The following TENM4 variants were observed in gnomAD, a reference collection of about 807,000 sequenced individuals.
TENM4 encodes teneurin transmembrane protein 4.
In TENM4, 82 loss-of-function variants were observed where a neutral mutation model predicts 243.3. The ratio of observed to expected loss-of-function variants is 0.34; its 90% CI spans 0.28 to 0.40. TENM4 has a LOEUF of 0.40. Among genes scored for constraint, TENM4 ranks in the 10% least tolerant of loss-of-function variants. The pLI is 1.00. For synonymous variants in TENM4, 1,412 were observed against 1,456.3 expected, an observed-to-expected ratio of 0.97 and a Z score of 0.69; for missense variants, 3,138 against 3,673.3, an observed-to-expected ratio of 0.85 and a Z score of 3.77.
intron 6 of TENM4, among the ~76,000 whole-genome samples, chr11:78,996,117 C>T (rs1018630297): frequency 3.3e-5 from 5 of 152,190 alleles, no homozygotes; most frequent in African/African-American, 1.2e-4. Context: ...AAGATGGCTG[C>T]AAATTCTTTG....
intron 9 of TENM4, among the ~76,000 whole-genome samples, chr11:78,877,282 C>A (rs1029489156): frequency 6.6e-6 from 1 of 152,148 alleles, no homozygotes; most frequent in Non-Finnish European, 1.5e-5. Context: ...CCCTGCTCTT[C>A]CTCCCTGCCA....
At chr11:79,101,135 T>C (rs1259037967) in intron 4 of TENM4, among the ~76,000 whole-genome samples, 1 of 152,192 alleles carries the variant, frequency 6.6e-6, no homozygotes, top group Non-Finnish European at 1.5e-5. Flanking sequence ...GGCATCATGT[T>C]CTGTTTCTTA....
intron 6 of TENM4, among the ~76,000 whole-genome samples, chr11:78,920,284 CAA>C (rs1856421051): frequency 6.6e-6 from 1 of 152,194 alleles, no homozygotes; most frequent in East Asian, 1.9e-4. Flanking sequence ...CAATGACAAA[CAA>C]GAGTAGTTTT....
chr11:79,123,364 G>A (rs1395473190), intron 4 of TENM4, among the ~76,000 whole-genome samples: 1 of 152,200 alleles, frequency 6.6e-6, no homozygotes, highest in Non-Finnish European at 1.5e-5. Context: ...GCTAGGAAGT[G>A]ATGGAGCTGG....
intron 3 of TENM4, among the ~76,000 whole-genome samples, chr11:79,185,857 A>G (rs991524202): frequency 6.6e-6 from 1 of 152,222 alleles, no homozygotes; most frequent in Non-Finnish European, 1.5e-5. Context: ...CTCCAGAAAC[A>G]TCTGCCAAAG....
intron 1 of TENM4, among the ~76,000 whole-genome samples, chr11:79,329,819 T>C (rs547726626): frequency 1.3e-5 from 2 of 152,196 alleles, no homozygotes; most frequent in Non-Finnish European, 2.9e-5. Context: ...AGGAGTTTGG[T>C]TCTCATTCTG....
In TENM4 at chr11:78,660,726, G is replaced by T. The variant is rs537668010; in HGVS notation, c.7551+723C>A. Among the ~76,000 whole-genome samples, 30 of 152,340 alleles carry T rather than the reference G, an allele frequency of 2.0e-4. No individual in the cohort carries two copies. The South Asian group carries it at 5.6e-3, about 28-fold the overall frequency. ...GGCACAGCATGGGGCTTGGCACAGA[G>T]TTGGGTTCTCATAGAGAATTTATGA... On this transcript the variant is annotated intron_variant, in intron 33 of 33. Coordinates refer to ENST00000278550, the MANE Select transcript of TENM4 (RefSeq NM_001098816.3).
At chr11:79,323,896 C>CAT (rs1172879253) in intron 1 of TENM4, among the ~76,000 whole-genome samples, 1 of 152,042 alleles carries the variant, frequency 6.6e-6, no homozygotes, top group Non-Finnish European at 1.5e-5. Context: ...CACACACACA[C>CAT]ACACACATAT....
intron 6 of TENM4, among the ~76,000 whole-genome samples, chr11:79,025,872 G>A (rs911389422): frequency 6.6e-6 from 1 of 152,194 alleles, no homozygotes. Context: ...GTGAATCTGT[G>A]TGTGTGCTAC....
intron 15 of TENM4, 38 bp downstream of exon 15, chr11:78,805,254 C>G: frequency 2.7e-5 from 1 of 37,510 alleles, no homozygotes; most frequent in Non-Finnish European, 4.5e-5. Flanking sequence ...GTGGAAATCC[C>G]CTCCCTCTAC....
intron 9 of TENM4, among the ~76,000 whole-genome samples, chr11:78,885,470 G>C (rs960044651): frequency 6.6e-6 from 1 of 152,256 alleles, no homozygotes; most frequent in Admixed American, 6.5e-5. Context: ...AGGAGAGGAG[G>C]AGATGGCCCA....
chr11:78,763,733 C>A (rs1045151625), intron 18 of TENM4, among the ~76,000 whole-genome samples: 2 of 152,232 alleles, frequency 1.3e-5, no homozygotes, highest in African/African-American at 2.4e-5. Context: ...TGGGCACACC[C>A]TTCCTATGCC....
intron 1 of TENM4, among the ~76,000 whole-genome samples, chr11:79,424,419 T>C (rs576465173): frequency 5.9e-5 from 9 of 152,234 alleles, no homozygotes; most frequent in Admixed American, 3.9e-4. Flanking sequence ...CTGGACAACA[T>C]GGCAAAACCT....
chr11:78,730,010 A>G (rs1202960113), intron 21 of TENM4, among the ~76,000 whole-genome samples: 1 of 152,160 alleles, frequency 6.6e-6, no homozygotes, highest in Non-Finnish European at 1.5e-5. Context: ...ATTTCACTGC[A>G]GTTTTGAGAG....
chr11:79,424,316 G>C (rs937409363), intron 1 of TENM4, among the ~76,000 whole-genome samples: 1 of 152,208 alleles, frequency 6.6e-6, no homozygotes, highest in African/African-American at 2.4e-5. Context: ...TTGTGGCAAA[G>C]TTGGCCAGGT....
At chr11:78,983,254 G>A (rs1857842471) in intron 6 of TENM4, among the ~76,000 whole-genome samples, 1 of 152,206 alleles carries the variant, frequency 6.6e-6, no homozygotes, top group African/African-American at 2.4e-5. Flanking sequence ...CTTGTGTCAG[G>A]CCTTGGGTCA....
At position 78,934,491 on chromosome 11, in the gene TENM4, C is replaced by T. The variant is rs141183603; in HGVS notation, c.494-30968G>A. Among the ~76,000 whole-genome samples the T allele has an allele frequency of 4.9e-3, 747 of 152,270 alleles. 5 individuals are homozygous for T. The highest frequency in any genetic ancestry group is 6.4e-3 in the Non-Finnish European group (438 of 68,026). On this transcript the variant is annotated intron_variant, in intron 6 of 33. Coordinates refer to ENST00000278550, the MANE Select transcript of TENM4 (RefSeq NM_001098816.3). ...TAGGCCTTAGTTTCTTTATCTTTCA[C>T]GGGTTAGACTGGCGGACCTGGAAGG...
At chr11:78,763,053 T>C (rs1196136471) in intron 18 of TENM4, among the ~76,000 whole-genome samples, 1 of 152,218 alleles carries the variant, frequency 6.6e-6, no homozygotes, top group African/African-American at 2.4e-5. Flanking sequence ...TTGGTTGACT[T>C]ATAAATTCTC....
At chr11:79,341,723 T>C (rs931155219) in intron 1 of TENM4, among the ~76,000 whole-genome samples, 2 of 152,168 alleles carry the variant, frequency 1.3e-5, no homozygotes, top group African/African-American at 4.8e-5. Flanking sequence ...GTGTGAAGGA[T>C]GTAAAAAATG....
Sources: allele counts gnomAD v4.1 joint callset (sites outside exome capture counted in the v4.1 genomes callset), GRCh38; gene constraint gnomAD v4.1.1; transcripts MANE v1.5; gene names NCBI Gene and HGNC (gene_info 2026-07-23, HGNC 2026-07-21).